The following GLI3 variants were observed in gnomAD, a reference collection of about 807,000 sequenced individuals.
GLI3 encodes the protein GLI family zinc finger 3, also known as transcription activator GLI3.
Under a neutral mutation model 100.8 loss-of-function variants are expected in GLI3, and 20 were observed. The observed-to-expected ratio is 0.20, with a 90% CI of 0.14 to 0.29. The LOEUF (loss-of-function observed/expected upper bound fraction) is 0.29. Ranked by LOEUF, GLI3 falls within the 10% of genes least tolerant of loss-of-function variation. GLI3 has a pLI of 1.00. For synonymous variants in GLI3, 938 were observed against 860.5 expected (o/e 1.09, Z -1.58); for missense variants, 2,040 against 2,128.5 (o/e 0.96, Z 0.82).
intron 2 of GLI3, among the ~76,000 whole-genome samples, chr7:42,218,733 C>T (rs1241027617): frequency 6.6e-6 from 1 of 152,182 alleles, no homozygotes; most frequent in South Asian, 2.1e-4. Context: ...ATTGCATCAG[C>T]GTTAGGATAA....
At chr7:42,239,565 C>CA (rs138375582), upstream of GLI3, among the ~76,000 whole-genome samples, 38 of 152,020 alleles carry the variant, frequency 2.5e-4, no homozygotes, top group Non-Finnish European at 4.4e-4. Flanking sequence ...CACCCAATGG[C>CA]AAAAAATAAA....
At chr7:41,982,469 A>G (rs1347176561) in intron 10 of GLI3, among the ~76,000 whole-genome samples, 2 of 152,114 alleles carry the variant, frequency 1.3e-5, no homozygotes, top group Admixed American at 6.6e-5. Context: ...TGTAATCCCC[A>G]TATTTTGGGA....
intron 2 of GLI3, among the ~76,000 whole-genome samples, chr7:42,159,131 AAAAC>A (rs1319732599): frequency 1.3e-5 from 2 of 152,168 alleles, no homozygotes; most frequent in Non-Finnish European, 2.9e-5. Flanking sequence ...GCAAAAAAAC[AAAAC>A]AAACAAACAA....
At chr7:42,180,884 T>C (rs1277831220) in intron 2 of GLI3, among the ~76,000 whole-genome samples, 1 of 152,218 alleles carries the variant, frequency 6.6e-6, no homozygotes, top group Non-Finnish European at 1.5e-5. Flanking sequence ...TAAAATCCTC[T>C]GGCAAACCTG....
In GLI3 at chr7:42,223,248, C is replaced by T. The variant is rs1788522138; in HGVS notation, c.6G>A (p.Glu2=). 2 of 1,613,284 alleles carry T rather than the reference C, an allele frequency of 1.2e-6. No individual in the cohort carries two copies. The highest frequency in any genetic ancestry group is 1.3e-5 in the African/African-American group (1 of 74,898). The part of the protein sequence containing the change: M[E]AQSHSSTTTE... ...TGGTCGTGGAGCTGTGGGACTGGGC[C>T]TCCATGATGTCTTCTCATTACTTCA... is the stretch of plus-strand genomic sequence containing the variant. Residue 2 remains glutamate (E), a synonymous_variant, in exon 2 of 15, where the codon GAG becomes GAA. Coordinates refer to ENST00000395925, the MANE Select transcript of GLI3 (RefSeq NM_000168.6).
chr7:42,013,042 G>A, intron 10 of GLI3, among the ~76,000 whole-genome samples: 1 of 152,200 alleles, frequency 6.6e-6, no homozygotes, highest in Non-Finnish European at 1.5e-5. Context: ...GATTGGGCCG[G>A]TTATGTTAGA....
chr7:42,104,625 T>C (rs956477209), intron 3 of GLI3, among the ~76,000 whole-genome samples: 24 of 152,212 alleles, frequency 1.6e-4, no homozygotes, highest in African/African-American at 5.5e-4. Flanking sequence ...TAAAGATGGA[T>C]TGATTCAGGG....
intron 3 of GLI3, among the ~76,000 whole-genome samples, chr7:42,134,496 G>C (rs182351122): frequency 1.7e-4 from 26 of 152,184 alleles, no homozygotes; most frequent in African/African-American, 6.0e-4. Context: ...AGCTCAGAGG[G>C]CAAACCCACA....
intron 10 of GLI3, among the ~76,000 whole-genome samples, chr7:42,007,617 T>C (rs1292859051): frequency 6.6e-6 from 1 of 152,186 alleles, no homozygotes; most frequent in African/African-American, 2.4e-5. Context: ...ATGTATGTGA[T>C]ACAAAAGCAC....
intron 2 of GLI3, among the ~76,000 whole-genome samples, chr7:42,184,912 C>T (rs1787688922): frequency 6.6e-6 from 1 of 152,286 alleles, no homozygotes; most frequent in Non-Finnish European, 1.5e-5. Context: ...TCTCCCTGTA[C>T]TCCTTCCTGC....
intron 7 of GLI3, among the ~76,000 whole-genome samples, chr7:42,038,012 G>A (rs868009015): frequency 6.6e-6 from 1 of 152,208 alleles, no homozygotes; most frequent in Non-Finnish European, 1.5e-5. Flanking sequence ...GAAAGAAAAA[G>A]TAAAGAGAAA....
intron 3 of GLI3, among the ~76,000 whole-genome samples, chr7:42,098,551 T>C (rs1247192642): frequency 2.0e-5 from 3 of 152,190 alleles, no homozygotes. Flanking sequence ...ATCCATTTTC[T>C]CAGGTGTAAA....
At chr7:42,160,025 C>T (rs188187657) in intron 2 of GLI3, among the ~76,000 whole-genome samples, 237 of 152,296 alleles carry the variant, frequency 1.6e-3, no homozygotes, top group Middle Eastern at 3.4e-3. Context: ...AGCACTTAAT[C>T]GGTATGTGAC....
At chr7:42,209,554 T>C (rs1788220975) in intron 2 of GLI3, among the ~76,000 whole-genome samples, 1 of 152,202 alleles carries the variant, frequency 6.6e-6, no homozygotes, top group Admixed American at 6.5e-5. Flanking sequence ...TTTCCTTTCA[T>C]TTAACATTCT....
In GLI3 at chr7:41,966,073, G is replaced by A. The variant is rs751293431; in HGVS notation, c.3000C>T (p.His1000=). 104 of 1,572,400 alleles carry A rather than the reference G, an allele frequency of 6.6e-5. No individual in the cohort carries two copies. The highest frequency in any genetic ancestry group is 1.7e-4 in the Middle Eastern group (1 of 5,894). Residue 1000 remains histidine (H), a synonymous_variant, in exon 15 of 15, where the codon CAC becomes CAT. Transcript: ENST00000395925. This position sits in a 1 kb window ranked among gnomAD's most constrained non-coding sequence, Gnocchi z 5.8. ...RHLQPHDAPG[H]GVRRASDPVR... is the part of the protein sequence containing the mutation. ...CCGGGTCGCTGGCCCTCCTCACGCCGTGGCCCGGCGCATCGTGCGGCTGCA... is the reference window on the plus strand; with the variant it reads ...CCGGGTCGCTGGCCCTCCTCACGCCATGGCCCGGCGCATCGTGCGGCTGCA...
intron 3 of GLI3, among the ~76,000 whole-genome samples, chr7:42,147,856 A>G (rs1325382177): frequency 6.6e-6 from 1 of 152,174 alleles, no homozygotes; most frequent in East Asian, 1.9e-4. Context: ...CTCTTAATGC[A>G]GCCTGCTTTC....
At chr7:42,202,667 C>G (rs1196773860) in intron 2 of GLI3, among the ~76,000 whole-genome samples, 1 of 152,162 alleles carries the variant, frequency 6.6e-6, no homozygotes, top group Admixed American at 6.5e-5. Context: ...GGCTGATGGG[C>G]TGAGAGCAGC....
intron 2 of GLI3, among the ~76,000 whole-genome samples, chr7:42,196,601 AAAGTTCACACTAT>A (rs1200416832): frequency 2.0e-5 from 3 of 152,260 alleles, no homozygotes; most frequent in Non-Finnish European, 4.4e-5. Flanking sequence ...TTTGTTACTT[AAAGTTCACACTAT>A]AAGTTTATCT....
chr7:42,224,602 T>C (rs903265582), intron 1 of GLI3, among the ~76,000 whole-genome samples: 2 of 152,160 alleles, frequency 1.3e-5, no homozygotes, highest in African/African-American at 2.4e-5. Context: ...ACAGCTTTTG[T>C]AGAATAAAAA....
Sources: allele counts gnomAD v4.1 joint callset (sites outside exome capture counted in the v4.1 genomes callset), GRCh38; gene constraint gnomAD v4.1.1; non-coding constraint Gnocchi (gnomAD v3.1); transcripts MANE v1.5; gene names NCBI Gene and HGNC (gene_info 2026-07-23, HGNC 2026-07-21).